Variants in DMD observed in about 807,000 individuals in gnomAD.
DMD encodes the protein mutant dystrophin.
Under a neutral mutation model 330.1 loss-of-function variants are expected in DMD, and 63 were observed. The observed-to-expected ratio is 0.19, with a 90% CI of 0.16 to 0.24. DMD has a LOEUF of 0.24. DMD is among the 10% of genes least tolerant of loss of function. The pLI is 1.00. For synonymous variants in DMD, 1,223 were observed against 959.8 expected (o/e 1.27, Z -5.07); for missense variants, 3,344 against 2,684.1 (o/e 1.25, Z -5.43).
chrX:32,378,452 A>C (rs923527683), intron 34 of DMD, among the ~76,000 whole-genome samples: 3 of 110,209 alleles, frequency 2.7e-5, no homozygotes, highest in African/African-American at 9.8e-5. Flanking sequence ...TAAAACTGAT[A>C]CTATTTAACT....
chrX:33,274,289 A>G (rs907467053), intron 1 of DMD, among the ~76,000 whole-genome samples: 6 of 111,801 alleles, frequency 5.4e-5, no homozygotes, highest in Admixed American at 4.8e-4. Flanking sequence ...AGCCACTACC[A>G]AGTCAGCACT....
chrX:32,325,301 AAAGT>A (rs2097645489), intron 41 of DMD, among the ~76,000 whole-genome samples: 1 of 111,520 alleles, frequency 9.0e-6, no homozygotes, highest in East Asian at 2.8e-4. Flanking sequence ...TTAATTGATT[AAAGT>A]AATACTGCAA....
At chrX:32,129,006 T>G (rs1056508531) in intron 44 of DMD, among the ~76,000 whole-genome samples, 3 of 111,470 alleles carry the variant, frequency 2.7e-5, no homozygotes, top group Non-Finnish European at 5.7e-5. Flanking sequence ...AGGCCCCACC[T>G]CTAATCTCAG....
chrX:33,266,608 G>A (rs1232553447), intron 1 of DMD, among the ~76,000 whole-genome samples: 1 of 111,067 alleles, frequency 9.0e-6, no homozygotes, highest in Non-Finnish European at 1.9e-5. Context: ...TCAAATGACA[G>A]ATGAGAGACG....
At chrX:33,018,763 A>T (rs1412269942) in intron 2 of DMD, among the ~76,000 whole-genome samples, 1 of 111,871 alleles carries the variant, frequency 8.9e-6, no homozygotes, top group Non-Finnish European at 1.9e-5. Context: ...GCCAGTATAT[A>T]CAGCAATTAA....
At chrX:32,863,243 G>A (rs1233968590) in intron 2 of DMD, among the ~76,000 whole-genome samples, 1 of 110,410 alleles carries the variant, frequency 9.1e-6, no homozygotes, top group African/African-American at 3.3e-5. Flanking sequence ...TAGGCTAGGC[G>A]CAGTGGCTCA....
At chrX:31,926,568 C>T (rs757936498) in intron 47 of DMD, among the ~76,000 whole-genome samples, 2 of 109,711 alleles carry the variant, frequency 1.8e-5, no homozygotes, top group Admixed American at 9.7e-5. Context: ...CCCAGCTACT[C>T]GAGAGGCTGA....
rs1170674562 is a variant in DMD, at chrX:31,121,553, A to G, written c.*366T>C. ...CTTTATAACTGTTATAAATTTTTAAACAACCCAAAATGCGTTCCATATAAA... is the reference window on the plus strand; with the variant it reads ...CTTTATAACTGTTATAAATTTTTAAGCAACCCAAAATGCGTTCCATATAAA... On this transcript the variant is annotated 3_prime_UTR_variant, in exon 79 of 79. Transcript: ENST00000357033. 1.2e-5 allele frequency: 3 copies of G among 241,586 alleles called. No homozygotes were observed. Among genetic ancestry groups the G allele is most frequent in the East Asian group, 8.2e-5 (1 of 12,161 alleles). The allele number at this position is 241,586 out of a possible 1,213,427, so 19.9% of individuals were successfully genotyped here. A position where few individuals can be genotyped will look rare whatever the true frequency, so the allele number is the denominator to read the frequency against.
intron 23 of DMD, among the ~76,000 whole-genome samples, chrX:32,466,708 T>C (rs1422188751): frequency 9.0e-6 from 1 of 110,701 alleles, no homozygotes; most frequent in Non-Finnish European, 1.9e-5. Context: ...AGAGAGAAAT[T>C]GACACTAGAT....
At position 33,123,274 on chromosome X, in the gene DMD, G is replaced by T. The variant is rs373913977; in HGVS notation, c.31+88008C>A. On this transcript the variant is annotated intron_variant, in intron 1 of 78. Coordinates refer to ENST00000357033, the MANE Select transcript of DMD (RefSeq NM_004006.3). ...TATGGATTGATCAGAATGTATCCCT[G>T]GTGTTAACACATAACTGTATATATC... Among the ~76,000 whole-genome samples, 273 of 111,905 alleles carry T rather than the reference G, an allele frequency of 2.4e-3. 1 individual carries two copies. The highest frequency in any genetic ancestry group is 4.2e-3 in the Non-Finnish European group (224 of 53,216).
intron 44 of DMD, among the ~76,000 whole-genome samples, chrX:32,100,246 C>A (rs904421255): frequency 9.1e-6 from 1 of 110,066 alleles, no homozygotes; most frequent in Non-Finnish European, 1.9e-5. Flanking sequence ...TTATCTTGAA[C>A]ATATATATTA....
chrX:31,884,655 A>G lies in DMD; in HGVS notation c.6913-9282T>C, dbSNP rs183798788. On this transcript the variant is annotated intron_variant, in intron 47 of 78. Coordinates refer to ENST00000357033, the MANE Select transcript of DMD (RefSeq NM_004006.3). Reference sequence around the variant, plus strand: ...ATTTTAAGTGTTCTTACCACAAAAAATAATAAGTATGTAAGGTAATGAATA... The same window carrying G: ...ATTTTAAGTGTTCTTACCACAAAAAGTAATAAGTATGTAAGGTAATGAATA... Among the ~76,000 whole-genome samples, 273 of 112,188 alleles carry G rather than the reference A, an allele frequency of 2.4e-3. 2 individuals are homozygous for G. Among genetic ancestry groups the G allele is most frequent in the African/African-American group, 8.6e-3 (267 of 30,962 alleles).
At chrX:32,944,104 A>G (rs766840970) in intron 2 of DMD, among the ~76,000 whole-genome samples, 1 of 111,805 alleles carries the variant, frequency 8.9e-6, no homozygotes, top group Non-Finnish European at 1.9e-5. Context: ...ATGGGTGAAC[A>G]TGCAATATTT....
At chrX:31,411,884 T>C (rs949590688) in intron 60 of DMD, among the ~76,000 whole-genome samples, 14 of 110,232 alleles carry the variant, frequency 1.3e-4, no homozygotes, top group African/African-American at 4.6e-4. Flanking sequence ...TCCCCCTGCC[T>C]CCAGAGATGA....
chrX:32,418,092 G>A (rs1382297486), intron 29 of DMD, among the ~76,000 whole-genome samples: 1 of 111,317 alleles, frequency 9.0e-6, no homozygotes, highest in African/African-American at 3.3e-5. Flanking sequence ...ATATGACATT[G>A]AGATTTTAAG....
chrX:32,629,274 G>A (rs781683688), intron 11 of DMD, among the ~76,000 whole-genome samples: 5 of 111,655 alleles, frequency 4.5e-5, no homozygotes, highest in Non-Finnish European at 7.5e-5. Context: ...AATGACCGGC[G>A]TTGTCCCTTT....
chrX:31,835,172 T>C (rs2093168328), intron 49 of DMD, among the ~76,000 whole-genome samples: 1 of 111,965 alleles, frequency 8.9e-6, no homozygotes, highest in Non-Finnish European at 1.9e-5. Context: ...TTAAGATCTC[T>C]CTCTCTCTCT....
intron 44 of DMD, among the ~76,000 whole-genome samples, chrX:32,018,767 G>A (rs931747099): frequency 1.8e-5 from 2 of 111,503 alleles, no homozygotes; most frequent in Non-Finnish European, 3.8e-5. Context: ...TATTATCTTG[G>A]ACCTGTATTG....
In DMD at chrX:33,162,791, C is replaced by A. The variant is rs186958717; in HGVS notation, c.31+48491G>T. Among the ~76,000 whole-genome samples the A allele has an allele frequency of 2.6e-3, 288 of 110,278 alleles. 2 individuals carry two copies. The highest frequency in any genetic ancestry group is 9.1e-3 in the African/African-American group (277 of 30,379). ...TTTAGCATTTTCAAATTTTTCCTCA[C>A]TTAAGATTCTGTAAAATTTTTATTG... On this transcript the variant is annotated intron_variant, in intron 1 of 78. Transcript: ENST00000357033.
Sources: gnomAD v4.1 joint callset for allele counts (sites outside exome capture counted in the v4.1 genomes callset) on GRCh38, gnomAD v4.1.1 for gene constraint, MANE v1.5 for transcripts, NCBI Gene and HGNC (gene_info 2026-07-23, HGNC 2026-07-21) for gene names.